The following CALM2 variants were observed in gnomAD, a reference collection of about 807,000 sequenced individuals.
The protein encoded by CALM2 is calmodulin 2, also known as calmodulin-2.
Under a neutral mutation model 19.8 loss-of-function variants are expected in CALM2, and 2 were observed. That is an observed-to-expected ratio of 0.10 (90% CI 0.04 to 0.32). The LOEUF (loss-of-function observed/expected upper bound fraction) is 0.32, where lower values mean the gene tolerates loss of function less well. Among genes scored for constraint, CALM2 ranks in the 10% least tolerant of loss-of-function variants. The pLI, the probability that CALM2 is intolerant of heterozygous loss-of-function variation, is 1.00. For missense variants in CALM2, 38 were observed against 178.7 expected (o/e 0.21, Z 4.49); for synonymous variants, 51 against 52.1 (o/e 0.98, Z 0.09).
At chr2:47,169,168 C>G (rs1365435318) in intron 2 of CALM2, among the ~76,000 whole-genome samples, 2 of 152,172 alleles carry the variant, frequency 1.3e-5, no homozygotes, top group Non-Finnish European at 2.9e-5. Context: ...AGTGAACATG[C>G]TGTACTGCAT....
intron 1 of CALM2, chr2:47,173,618 T>A (rs62141692): frequency 0.024 from 3,673 of 152,334 alleles, 48 homozygotes; most frequent in African/African-American, 0.032. Context: ...AAAGTATGCA[T>A]GAATACTGTT....
At chr2:47,161,915 G>A (rs1343470500) in intron 4 of CALM2, 57 bp from the exon 5 acceptor site, 1 of 1,417,862 alleles carries the variant, frequency 7.1e-7, no homozygotes, top group South Asian at 1.3e-5. Context: ...GAGTTGGAAT[G>A]GAAATTTATT....
chr2:47,176,634 C>G, upstream of CALM2: 7 of 1,496,098 alleles, frequency 4.7e-6, no homozygotes, highest in Non-Finnish European at 6.2e-6. Context: ...AAACTCTTCT[C>G]GGGACCCCTT....
upstream of CALM2, chr2:47,176,739 G>T: frequency 3.6e-6 from 5 of 1,373,838 alleles, no homozygotes; most frequent in Middle Eastern, 2.8e-4. Flanking sequence ...CCGTTAAAAG[G>T]CCGGTGGAGC....
At chr2:47,160,984 ATAAC>A (rs1687137328) in intron 5 of CALM2, among the ~76,000 whole-genome samples, 180 bp from the exon 6 acceptor site, 1 of 152,150 alleles carries the variant, frequency 6.6e-6, no homozygotes, top group African/African-American at 2.4e-5. Context: ...TTCATTAACC[ATAAC>A]TATTCAGGTT....
At chr2:47,169,963 T>TA (rs11378358) in intron 2 of CALM2, among the ~76,000 whole-genome samples, 140,171 of 145,356 alleles carry the variant, frequency 0.96, 67,667 homozygotes, top group East Asian at 1. Context: ...AACACTACAA[T>TA]AAAAAAAAAA....
intron 2 of CALM2, chr2:47,163,253 G>A (rs1687211270): frequency 6.6e-6 from 1 of 152,474 alleles, no homozygotes; most frequent in Non-Finnish European, 1.5e-5. Context: ...CAGGAGAAGG[G>A]ACTATATAAA....
At position 47,176,426 on chromosome 2, in the gene CALM2, C is replaced by G; in HGVS notation, c.3+15G>C. 3 of 1,613,100 alleles carry G rather than the reference C, an allele frequency of 1.9e-6. No homozygotes were observed. Among genetic ancestry groups the G allele is most frequent in the East Asian group, 2.2e-5 (1 of 44,848 alleles). ...CCCCACAGGCCCAGCGCCGGCAGCT[C>G]AGCGATGCACTCACCATGCTGCAAG... On this transcript the variant is annotated intron_variant, in intron 1 of 5. Transcript: ENST00000272298.
chr2:47,160,841 G>A, intron 5 of CALM2, 37 bp from the exon 6 acceptor site: 5 of 481,338 alleles, frequency 1.0e-5, no homozygotes, highest in South Asian at 6.5e-5. Context: ...TGAGTCAATA[G>A]CAAAAGACCA....
intron 2 of CALM2, among the ~76,000 whole-genome samples, chr2:47,169,723 TC>T (rs1217242718): frequency 2.6e-5 from 4 of 152,266 alleles, no homozygotes; most frequent in Admixed American, 6.5e-5. Context: ...AATTCTGGTA[TC>T]CCCCAAACTT....
chr2:47,170,187 T>C (rs1363417145), intron 2 of CALM2, among the ~76,000 whole-genome samples: 2 of 152,250 alleles, frequency 1.3e-5, no homozygotes, highest in African/African-American at 4.8e-5. Context: ...GTCACTGTTT[T>C]TTAAGAGAAA....
Position 47,171,773 on chromosome 2 carries a change from T to C in CALM2, c.4-1009A>G, listed in dbSNP as rs796961613. 6.6e-5 allele frequency: 10 copies of C among 152,260 alleles called. 1 individual carries two copies. Among genetic ancestry groups the C allele is most frequent in the African/African-American group, 2.4e-4 (10 of 41,532 alleles). The allele number at this position is 152,260 out of a possible 1,614,324, so 9.4% of individuals were successfully genotyped here. On this transcript the variant is annotated intron_variant, in intron 1 of 5. Coordinates refer to ENST00000272298, the MANE Select transcript of CALM2 (RefSeq NM_001743.6). The stretch of plus-strand genomic sequence containing the variant: ...ACATGGGAGTCAAGTATACAATGAT[T>C]AATCCATTCATTTATTTATAGGTAA...
At position 47,176,476 on chromosome 2, in the gene CALM2, C is replaced by T. The variant is rs751238382; in HGVS notation, c.-33G>A. 42 of 1,613,654 alleles carry T rather than the reference C, an allele frequency of 2.6e-5. No homozygotes were observed. Among genetic ancestry groups the T allele is most frequent in the Non-Finnish European group, 3.5e-5 (41 of 1,179,960 alleles). On this transcript the variant is annotated 5_prime_UTR_variant, in exon 1 of 6. Coordinates refer to ENST00000272298, the MANE Select transcript of CALM2 (RefSeq NM_001743.6). ...GCGCTACCGGTTTCCGAGACGCGAC[C>T]ACACAACCACTCAGCTCGCTCTCTC... is the stretch of plus-strand genomic sequence containing the variant.
intron 1 of CALM2, among the ~76,000 whole-genome samples, chr2:47,175,873 G>GC (rs1666845940): frequency 1.4e-5 from 2 of 147,888 alleles, no homozygotes; most frequent in African/African-American, 4.9e-5. Flanking sequence ...CACACAGCGC[G>GC]CCGCCCGCCC....
At chr2:47,163,801 TG>T (rs1469975294) in intron 2 of CALM2, 1 of 152,214 alleles carries the variant, frequency 6.6e-6, no homozygotes, top group Non-Finnish European at 1.5e-5. Flanking sequence ...CCAGACTACC[TG>T]GCTTCATTCA....
At chr2:47,169,054 G>A (rs6751274) in intron 2 of CALM2, among the ~76,000 whole-genome samples, 4,517 of 151,972 alleles carry the variant, frequency 0.03, 221 homozygotes, top group African/African-American at 0.1. Flanking sequence ...AATTACAGGC[G>A]TGAGCCACTG....
At chr2:47,175,097 T>TTTTTTTTTCCC (rs751897252) in intron 1 of CALM2, among the ~76,000 whole-genome samples, 2 of 126,630 alleles carry the variant, frequency 1.6e-5, no homozygotes, top group African/African-American at 7.8e-5. Flanking sequence ...TTTTTTTTTT[T>TTTTTTTTTCCC]TCAGGAAAGA....
chr2:47,163,800 C>T (rs1184369086), intron 2 of CALM2: 1 of 152,312 alleles, frequency 6.6e-6, no homozygotes, highest in Non-Finnish European at 1.5e-5. Context: ...TCCAGACTAC[C>T]TGGCTTCATT....
intron 2 of CALM2, among the ~76,000 whole-genome samples, chr2:47,166,624 A>T (rs887053650): frequency 6.6e-6 from 1 of 152,230 alleles, no homozygotes; most frequent in Non-Finnish European, 1.5e-5. Context: ...TTTTTATACT[A>T]AAGAGTAAAA....
Sources: gnomAD v4.1 joint callset for allele counts (sites outside exome capture counted in the v4.1 genomes callset) on GRCh38, gnomAD v4.1.1 for gene constraint, MANE v1.5 for transcripts, NCBI Gene and HGNC (gene_info 2026-07-23, HGNC 2026-07-21) for gene names.